The following CYP3A4 variants were observed in gnomAD, a reference collection of about 807,000 sequenced individuals.
The protein encoded by CYP3A4 is cytochrome P450 3A4.
In CYP3A4, 41 loss-of-function variants were observed where a neutral mutation model predicts 54.9. The ratio of observed to expected loss-of-function variants is 0.75; its 90% CI spans 0.58 to 0.97. The LOEUF (loss-of-function observed/expected upper bound fraction) is 0.97. Among genes scored for constraint, CYP3A4 ranks in the 50% least tolerant of loss-of-function variants. The pLI, the probability that CYP3A4 is intolerant of heterozygous loss-of-function variation, is 0.00. For synonymous variants in CYP3A4, 179 were observed against 205.2 expected, an observed-to-expected ratio of 0.87 and a Z score of 1.09; for missense variants, 510 against 597.3, an observed-to-expected ratio of 0.85 and a Z score of 1.52.
chr7:99,779,955 T>C (rs760686651), intron 2 of CYP3A4, 37 bp downstream of exon 2: 1 of 1,580,596 alleles, frequency 6.3e-7, no homozygotes, highest in Non-Finnish European at 8.7e-7. Context: ...CTCTTGGCAA[T>C]CATAAGAAGC....
chr7:99,775,123 A>T (rs1340329194), intron 3 of CYP3A4, among the ~76,000 whole-genome samples: 2 of 152,186 alleles, frequency 1.3e-5, no homozygotes, highest in Non-Finnish European at 2.9e-5. Context: ...CTAGGAATCC[A>T]GCTTACAAGG....
At chr7:99,760,622 C>T (rs1221462864) in intron 12 of CYP3A4, among the ~76,000 whole-genome samples, 197 bp downstream of exon 12, 1 of 152,194 alleles carries the variant, frequency 6.6e-6, no homozygotes, top group Non-Finnish European at 1.5e-5. Context: ...ATGGGCTTTA[C>T]ATGATGTTTT....
chr7:99,770,106 C>G lies in CYP3A4; in HGVS notation c.432+16G>C. ...ATTCTTTAAGTTTCTTATTAAAACT[C>G]ATGTTATTTTCATACCTCCTTGAGT... On this transcript the variant is annotated intron_variant, in intron 5 of 12. Coordinates refer to ENST00000651514, the MANE Select transcript of CYP3A4 (RefSeq NM_017460.6). 1 of 1,599,790 alleles carries G rather than the reference C, an allele frequency of 6.3e-7. No individual in the cohort carries two copies. The highest frequency in any genetic ancestry group is 8.6e-7 in the Non-Finnish European group (1 of 1,167,296).
chr7:99,777,578 G>A (rs1379763307), intron 3 of CYP3A4, among the ~76,000 whole-genome samples: 1 of 151,626 alleles, frequency 6.6e-6, no homozygotes, highest in Non-Finnish European at 1.5e-5. Context: ...ATGCTTGTGT[G>A]CCTGATAACA....
Position 99,768,445 on chromosome 7 carries a change from G to A in CYP3A4, c.579C>T (p.Ile193=), listed in dbSNP as rs4987159. The change falls in exon 7 of 13, where the codon ATC becomes ATT. Residue 193 remains isoleucine, a synonymous_variant. Transcript: ENST00000651514. ...VITSTSFGVN[I]DSLNNPQDPF... ...GGTCTTGTGGATTGTTGAGAGAGTC[G>A]ATGTTCACTCCAAATGATGTGCTAG... The A allele has an allele frequency of 3.1e-3, 4,958 of 1,613,954 alleles. 135 individuals are homozygous for A. In the African/African-American group the frequency reaches 0.056, roughly 18 times the overall value.
rs765103065 is a variant in CYP3A4, at chr7:99,764,009, G to A, written c.872C>T (p.Ser291Phe). 1 of 1,613,922 alleles carries A rather than the reference G, an allele frequency of 6.2e-7. No individual in the cohort carries two copies. Among genetic ancestry groups the A allele is most frequent in the South Asian group, 1.1e-5 (1 of 91,080 alleles). Residue 291 changes from serine to phenylalanine, a missense_variant, in exon 10 of 13, where the codon TCC becomes TTC. By Grantham distance (155) the Ser-to-Phe change is radical. Coordinates refer to ENST00000651514, the MANE Select transcript of CYP3A4 (RefSeq NM_017460.6). ...SKETESHKAL[S>F]DLELVAQSII... ...TGATTGGGCCACGAGCTCCAGATCG[G>A]ACAGAGCTGAAAGGAGAGGAAAGAC...
rs372534674 is a variant in CYP3A4 at position 99,758,115 on chromosome 7, A to G, written c.*18T>C. 1.0e-5 allele frequency: 16 copies of G among 1,603,586 alleles called. No homozygotes were observed. The highest frequency in any genetic ancestry group is 1.3e-5 in the Non-Finnish European group (15 of 1,170,572). ...GCACAGATTTCTTGAAGAGCAAAGCAGAAGTCCTTAGGAAAATTCAGGCTC... is the reference window on the plus strand; with the variant it reads ...GCACAGATTTCTTGAAGAGCAAAGCGGAAGTCCTTAGGAAAATTCAGGCTC... On this transcript the variant is annotated 3_prime_UTR_variant, in exon 13 of 13. Transcript: ENST00000651514.
intron 4 of CYP3A4, among the ~76,000 whole-genome samples, chr7:99,770,568 C>T (rs1815607029): frequency 6.6e-6 from 1 of 152,248 alleles, no homozygotes; most frequent in Middle Eastern, 3.4e-3. Context: ...CAAGACCTAG[C>T]ACTTCTGCAG....
At chr7:99,769,412 C>T in intron 6 of CYP3A4, 1 of 287,248 alleles carries the variant, frequency 3.5e-6, no homozygotes, top group East Asian at 7.6e-5. Flanking sequence ...TGCCAACCAA[C>T]AGATACCAAG....
intron 1 of CYP3A4, among the ~76,000 whole-genome samples, chr7:99,780,951 G>C (rs1013078337): frequency 6.6e-6 from 1 of 152,214 alleles, no homozygotes; most frequent in Admixed American, 6.5e-5. Flanking sequence ...CACAGTGCCA[G>C]TGATATGGTC....
At position 99,778,453 on chromosome 7, in the gene CYP3A4, T is replaced by C. The variant is rs116222309; in HGVS notation, c.166-373A>G. Among the ~76,000 whole-genome samples, 517 of 152,328 alleles carry C rather than the reference T, an allele frequency of 3.4e-3. 3 individuals carry two copies. Among genetic ancestry groups the C allele is most frequent in the African/African-American group, 0.011 (473 of 41,580 alleles). On this transcript the variant is annotated intron_variant, in intron 2 of 12. Coordinates refer to ENST00000651514, the MANE Select transcript of CYP3A4 (RefSeq NM_017460.6). ...AAACTGAGGCCAAGGGAAAGTGAAT[T>C]AGCATCAGAAGAGAATGCACAGTGT... is the stretch of plus-strand genomic sequence containing the variant.
chr7:99,767,482 C>T (rs1340412352), intron 7 of CYP3A4, among the ~76,000 whole-genome samples: 1 of 152,180 alleles, frequency 6.6e-6, no homozygotes, highest in African/African-American at 2.4e-5. Context: ...AGATCAGCAG[C>T]CCCTTGTGCA....
intron 9 of CYP3A4, among the ~76,000 whole-genome samples, chr7:99,765,500 ATAGATACATAGC>A (rs1815456164): frequency 6.6e-6 from 1 of 152,210 alleles, no homozygotes; most frequent in Admixed American, 6.5e-5. Context: ...AGATAGATAG[ATAGATACATAGC>A]TAGATAGATA....
rs1380983680 is a variant in CYP3A4, at chr7:99,770,444, C to T, written c.319-209G>A. Among the ~76,000 whole-genome samples the T allele has an allele frequency of 4.6e-5, 7 of 151,928 alleles. No homozygotes were observed. In the South Asian group the frequency reaches 6.2e-4, roughly 14 times the overall value. ...TGTGTGGGGCGGGGCGGGGGGGTGG[C>T]GGCAGTGTTCAGGAGACCCTGATGT... is the stretch of plus-strand genomic sequence containing the variant. On this transcript the variant is annotated intron_variant, in intron 4 of 12. Transcript: ENST00000651514.
chr7:99,772,599 T>C lies in CYP3A4; in HGVS notation c.309A>G (p.Thr103=). Residue 103 remains threonine (T), a synonymous_variant, in exon 4 of 13, where the codon ACA becomes ACG. Transcript: ENST00000651514. ...ACACATGAATGCTTACCCTCCGGTTTGTGAAGACAGAATAACATTCTTTCA... is the reference window on the plus strand; with the variant it reads ...ACACATGAATGCTTACCCTCCGGTTCGTGAAGACAGAATAACATTCTTTCA... ...VLVKECYSVF[T]NRRPFGPVGF... 1 of 1,612,732 alleles carries C rather than the reference T, an allele frequency of 6.2e-7. No individual in the cohort carries two copies. Among genetic ancestry groups the C allele is most frequent in the Non-Finnish European group, 8.5e-7 (1 of 1,179,388 alleles).
At chr7:99,773,354 C>G (rs1314895968) in intron 3 of CYP3A4, among the ~76,000 whole-genome samples, 1 of 152,200 alleles carries the variant, frequency 6.6e-6, no homozygotes, top group African/African-American at 2.4e-5. Context: ...ACCTAATAGA[C>G]ATCTACAGAA....
chr7:99,765,749 A>T (rs866031808), intron 9 of CYP3A4, among the ~76,000 whole-genome samples: 1 of 152,186 alleles, frequency 6.6e-6, no homozygotes, highest in African/African-American at 2.4e-5. Flanking sequence ...TGGGTTGTAA[A>T]ACTCGTAGGT....
At chr7:99,766,023 AC>A (rs917023144) in intron 9 of CYP3A4, among the ~76,000 whole-genome samples, 2 of 151,760 alleles carry the variant, frequency 1.3e-5, no homozygotes, top group African/African-American at 4.8e-5. Flanking sequence ...TAATGGAAAA[AC>A]CCACAATTAA....
chr7:99,760,110 C>T (rs2151552868), intron 12 of CYP3A4, among the ~76,000 whole-genome samples: 1 of 152,272 alleles, frequency 6.6e-6, no homozygotes, highest in East Asian at 1.9e-4. Context: ...GCTGGGATTA[C>T]AGGCATGAGC....
Sources: allele counts gnomAD v4.1 joint callset (sites outside exome capture counted in the v4.1 genomes callset), GRCh38; gene constraint gnomAD v4.1.1; transcripts MANE v1.5; gene names NCBI Gene and HGNC (gene_info 2026-07-23, HGNC 2026-07-21).